The following ADAM10 variants were observed in gnomAD, a reference collection of about 807,000 sequenced individuals.
ADAM10 encodes the protein disintegrin and metalloproteinase domain-containing protein 10.
Under a neutral mutation model 90.1 loss-of-function variants are expected in ADAM10, and 17 were observed. That is an observed-to-expected ratio of 0.19 (90% CI 0.13 to 0.28). ADAM10 has a LOEUF of 0.28. Among genes scored for constraint, ADAM10 ranks in the 10% least tolerant of loss-of-function variants. The pLI is 1.00. For synonymous variants in ADAM10, 310 were observed against 298.6 expected, an observed-to-expected ratio of 1.04 and a Z score of -0.40; for missense variants, 610 against 914.3, an observed-to-expected ratio of 0.67 and a Z score of 4.29.
At chr15:58,740,303 G>A (rs553783622) in intron 1 of ADAM10, among the ~76,000 whole-genome samples, 2 of 152,086 alleles carry the variant, frequency 1.3e-5, no homozygotes, top group African/African-American at 2.4e-5. Context: ...CCAGCTACTC[G>A]GAGGCTGAGG....
intron 1 of ADAM10, among the ~76,000 whole-genome samples, chr15:58,734,784 G>A (rs932838391): frequency 4.0e-5 from 6 of 151,194 alleles, no homozygotes; most frequent in African/African-American, 9.7e-5. Flanking sequence ...CTAAACTGAC[G>A]TCTACCTCTA....
rs187704396 is a variant in ADAM10, at chr15:58,651,443, A to T, written c.586-5239T>A. 6.4e-3 allele frequency among the ~76,000 whole-genome samples: 969 copies of T among 151,868 alleles called. 16 individuals carry two copies. The highest frequency in any genetic ancestry group is 0.022 in the African/African-American group (926 of 41,396). ...TGCACCCTCTGGTAACCATCCTTCT[A>T]CTCTCTATCTCCATGAGTTAAATTG... On this transcript the variant is annotated intron_variant, in intron 5 of 15. Coordinates refer to ENST00000260408, the MANE Select transcript of ADAM10 (RefSeq NM_001110.4).
At chr15:58,714,280 T>G (rs995650196) in intron 2 of ADAM10, among the ~76,000 whole-genome samples, 23 of 118,102 alleles carry the variant, frequency 1.9e-4, no homozygotes, top group African/African-American at 7.1e-4. Context: ...CTTTAATACT[T>G]ATACATACAC....
intron 3 of ADAM10, 23 bp from the exon 4 acceptor site, chr15:58,679,305 C>G: frequency 6.2e-7 from 1 of 1,611,712 alleles, no homozygotes; most frequent in Non-Finnish European, 8.5e-7. Context: ...GCAACAAATT[C>G]TTGACAATTT....
At chr15:58,650,904 T>C (rs1461175321) in intron 5 of ADAM10, among the ~76,000 whole-genome samples, 1 of 152,158 alleles carries the variant, frequency 6.6e-6, no homozygotes, top group African/African-American at 2.4e-5. Flanking sequence ...TAAAATTTTA[T>C]ACAAAGTTTA....
chr15:58,590,871 A>T lies in ADAM10; in HGVS notation c.*6676T>A, dbSNP rs1315220697. 1 of 152,192 alleles carries T rather than the reference A, an allele frequency of 6.6e-6. No individual in the cohort carries two copies. The highest frequency in any genetic ancestry group is 1.5e-5 in the Non-Finnish European group (1 of 68,036). The allele number at this position is 152,192 out of a possible 1,614,324, so 9.4% of individuals were successfully genotyped here. A position where few individuals can be genotyped will look rare whatever the true frequency, so the allele number is the denominator to read the frequency against. On this transcript the variant is annotated 3_prime_UTR_variant, in exon 16 of 16. Transcript: ENST00000260408. ...TGCAAATGGAACCACTTTTTATATA[A>T]GACAACCTACACTCTTATCAAATTA...
At chr15:58,703,707 G>A (rs1404965751) in intron 2 of ADAM10, 1 of 152,172 alleles carries the variant, frequency 6.6e-6, no homozygotes, top group East Asian at 1.9e-4. Context: ...GAGTTGGTGG[G>A]AAGTGATTGG....
intron 8 of ADAM10, among the ~76,000 whole-genome samples, chr15:58,635,983 A>G (rs1270940917): frequency 1.3e-5 from 2 of 152,180 alleles, no homozygotes; most frequent in East Asian, 1.9e-4. Flanking sequence ...CGCTTATATG[A>G]AAGTTTAAAA....
chr15:58,675,864 G>A (rs548795457), intron 4 of ADAM10, among the ~76,000 whole-genome samples: 3 of 152,086 alleles, frequency 2.0e-5, no homozygotes, highest in Non-Finnish European at 4.4e-5. Flanking sequence ...GTATATCCAA[G>A]GTTAGTATGC....
intron 1 of ADAM10, among the ~76,000 whole-genome samples, chr15:58,730,403 C>G (rs28536555): frequency 0.14 from 21,396 of 152,208 alleles, 1,785 homozygotes; most frequent in South Asian, 0.33. Context: ...TCTGCTTTCA[C>G]ACAACAGCAG....
intron 2 of ADAM10, chr15:58,707,285 G>C (rs555134750): frequency 6.6e-6 from 1 of 152,122 alleles, no homozygotes; most frequent in South Asian, 2.1e-4. Context: ...TCAGGAGGCT[G>C]AGGCAGGAGA....
intron 1 of ADAM10, among the ~76,000 whole-genome samples, chr15:58,736,821 G>A (rs1899446105): frequency 6.6e-6 from 1 of 152,038 alleles, no homozygotes; most frequent in Non-Finnish European, 1.5e-5. Context: ...ACGAGATAGA[G>A]AAAACAGATC....
At chr15:58,680,184 G>A (rs1017355484) in intron 3 of ADAM10, among the ~76,000 whole-genome samples, 5 of 152,146 alleles carry the variant, frequency 3.3e-5, no homozygotes, top group South Asian at 2.1e-4. Flanking sequence ...GTGCAGTGAC[G>A]AGCTCATGGC....
At chr15:58,719,457 G>T (rs555626908) in intron 1 of ADAM10, among the ~76,000 whole-genome samples, 409 of 151,300 alleles carry the variant, frequency 2.7e-3, no homozygotes, top group Non-Finnish European at 4.1e-3. Context: ...GACAAATCAA[G>T]TAAAATTTTT....
At chr15:58,666,792 T>A (rs1181938764) in intron 4 of ADAM10, among the ~76,000 whole-genome samples, 27 of 152,160 alleles carry the variant, frequency 1.8e-4, no homozygotes, top group African/African-American at 6.5e-4. Context: ...AAATTCCTTT[T>A]GAAAGCTTGA....
At chr15:58,721,911 C>T (rs2140823230) in intron 1 of ADAM10, among the ~76,000 whole-genome samples, 1 of 151,828 alleles carries the variant, frequency 6.6e-6, no homozygotes, top group Non-Finnish European at 1.5e-5. Context: ...GCCTGTAATC[C>T]CAGCTACTCG....
intron 4 of ADAM10, among the ~76,000 whole-genome samples, chr15:58,665,606 G>C (rs549141418): frequency 6.6e-6 from 1 of 151,958 alleles, no homozygotes; most frequent in Non-Finnish European, 1.5e-5. Context: ...AAATATAAAA[G>C]AGAACCCCAA....
intron 10 of ADAM10, among the ~76,000 whole-genome samples, chr15:58,622,453 T>C (rs1895814248): frequency 6.6e-6 from 1 of 152,210 alleles, no homozygotes; most frequent in South Asian, 2.1e-4. Context: ...TCTCCATTTT[T>C]ATTTATTTTT....
chr15:58,615,276 GAAAAAAAAAAA>G (rs35628107), intron 11 of ADAM10, among the ~76,000 whole-genome samples: 4 of 84,786 alleles, frequency 4.7e-5, no homozygotes, highest in South Asian at 3.9e-4. Flanking sequence ...TCCGTCTGAA[GAAAAAAAAAAA>G]AAAAAAAAAA....
Sources: gnomAD v4.1 joint callset for allele counts (sites outside exome capture counted in the v4.1 genomes callset) on GRCh38, gnomAD v4.1.1 for gene constraint, MANE v1.5 for transcripts, NCBI Gene and HGNC (gene_info 2026-07-23, HGNC 2026-07-21) for gene names.